Variants in SLC35F3 observed in about 807,000 individuals in gnomAD.
SLC35F3 encodes the protein solute carrier family 35 member F3.
SLC35F3 carries 25 observed loss-of-function variants against 49.9 expected under a neutral mutation model. The ratio of observed to expected loss-of-function variants is 0.50; its 90% CI spans 0.37 to 0.70. The LOEUF is 0.70. Ranked by LOEUF, SLC35F3 falls within the 30% of genes least tolerant of loss-of-function variation. The pLI, the probability that SLC35F3 is intolerant of heterozygous loss-of-function variation, is 0.00. For missense variants in SLC35F3, 525 were observed against 639.8 expected (o/e 0.82, Z 1.94); for synonymous variants, 275 against 265.4 (o/e 1.04, Z -0.35).
chr1:234,068,598 AAGTAGGAACAAAGTAC>A (rs1664655100), intron 2 of SLC35F3, among the ~76,000 whole-genome samples: 2 of 151,824 alleles, frequency 1.3e-5, no homozygotes, highest in Admixed American at 6.6e-5. Context: ...ACTATAATAG[AAGTAGGAACAAAGTAC>A]AGTAGGAGCA....
chr1:234,201,261 C>G (rs957078302), intron 2 of SLC35F3, among the ~76,000 whole-genome samples: 1 of 152,174 alleles, frequency 6.6e-6, no homozygotes, highest in African/African-American at 2.4e-5. Context: ...TTGGGTTTAC[C>G]TATATCATTT....
rs189686829 is a variant in SLC35F3 at position 234,286,706 on chromosome 1, A to G, written c.609-22395A>G. 5.3e-4 allele frequency among the ~76,000 whole-genome samples: 81 copies of G among 152,368 alleles called. 1 individual carries two copies. Among genetic ancestry groups the G allele is most frequent in the African/African-American group, 1.8e-3 (76 of 41,594 alleles). ...AACATTTGATTGTCTCTCTAAACAG[A>G]AAACGTATTAGATGGGTTTTAAGAA... On this transcript the variant is annotated intron_variant, in intron 3 of 7. Coordinates refer to ENST00000366618, the MANE Select transcript of SLC35F3 (RefSeq NM_173508.4).
At chr1:233,978,929 G>A (rs1021181652) in intron 2 of SLC35F3, among the ~76,000 whole-genome samples, 4 of 151,726 alleles carry the variant, frequency 2.6e-5, no homozygotes, top group Admixed American at 2.0e-4. Context: ...CCAGCTACTC[G>A]GGAGGCTGAG....
chr1:234,108,627 T>TATTTATATATAAAAGATAC (rs1558231661), intron 2 of SLC35F3, among the ~76,000 whole-genome samples: 1 of 112,482 alleles, frequency 8.9e-6, no homozygotes, highest in South Asian at 2.6e-4. Context: ...ATAAAAGATA[T>TATTTATATATAAAAGATAC]ATATATTTAT....
At chr1:234,185,680 G>A (rs1270596837) in intron 2 of SLC35F3, among the ~76,000 whole-genome samples, 1 of 152,124 alleles carries the variant, frequency 6.6e-6, no homozygotes, top group Non-Finnish European at 1.5e-5. Context: ...TGATGGCAGG[G>A]ACTTGGAAGG....
intron 2 of SLC35F3, among the ~76,000 whole-genome samples, chr1:233,946,715 A>G (rs1046313878): frequency 5.9e-5 from 9 of 152,244 alleles, no homozygotes; most frequent in African/African-American, 1.7e-4. Flanking sequence ...GTGTTGGACA[A>G]TGGTAACCAC....
chr1:234,117,453 A>G lies in SLC35F3; in HGVS notation c.284-113964A>G, dbSNP rs182975562. Among the ~76,000 whole-genome samples the G allele has an allele frequency of 1.7e-3, 262 of 152,128 alleles. 1 individual carries two copies. Among genetic ancestry groups the G allele is most frequent in the African/African-American group, 6.0e-3 (247 of 41,506 alleles). On this transcript the variant is annotated intron_variant, in intron 2 of 7. Coordinates refer to ENST00000366618, the MANE Select transcript of SLC35F3 (RefSeq NM_173508.4). ...CTAAAAATACAAAAATTAGCTGGGT[A>G]TGGTGGCACACCCTTGTAATCCCAG...
intron 2 of SLC35F3, among the ~76,000 whole-genome samples, chr1:234,227,459 C>T (rs184810187): frequency 2.8e-4 from 39 of 137,980 alleles, no homozygotes; most frequent in Non-Finnish European, 4.4e-4. Context: ...AGTCCAGTGG[C>T]GCAATCTCGG....
At chr1:233,923,375 T>C (rs75348193) in intron 2 of SLC35F3, among the ~76,000 whole-genome samples, 68,347 of 151,964 alleles carry the variant, frequency 0.45, 16,486 homozygotes, top group Middle Eastern at 0.55. Context: ...TCCCTGTAAG[T>C]TGTATTCCTA....
Position 234,318,882 on chromosome 1 carries a change from C to T in SLC35F3, c.1086C>T (p.Tyr362=). ...PIILYFTKVE[Y]WSSFDDIPWG... is the part of the protein sequence containing the mutation. ...TCCTCTACTTTACCAAAGTGGAATA[C>T]TGGAGCTCTTTTGATGACATTCCAT... Residue 362 remains tyrosine (Y), a synonymous_variant, in exon 6 of 8, where the codon TAC becomes TAT. Transcript: ENST00000366618. 4 of 1,614,184 alleles carry T rather than the reference C, an allele frequency of 2.5e-6. No individual in the cohort carries two copies. Among genetic ancestry groups the T allele is most frequent in the Non-Finnish European group, 3.4e-6 (4 of 1,180,030 alleles).
At chr1:234,116,568 A>T (rs61822410) in intron 2 of SLC35F3, among the ~76,000 whole-genome samples, 3 of 149,898 alleles carry the variant, frequency 2.0e-5, no homozygotes, top group Non-Finnish European at 4.4e-5. Context: ...CTGGAGTGCA[A>T]TGGCGCAATC....
intron 3 of SLC35F3, among the ~76,000 whole-genome samples, chr1:234,250,593 G>A (rs987966768): frequency 6.8e-6 from 1 of 147,484 alleles, no homozygotes; most frequent in Admixed American, 6.8e-5. Context: ...GGCGGAGCTT[G>A]CAGTGAGCCG....
chr1:234,144,721 G>A (rs1030542386), intron 2 of SLC35F3, among the ~76,000 whole-genome samples: 12 of 152,190 alleles, frequency 7.9e-5, no homozygotes, highest in Non-Finnish European at 1.6e-4. Flanking sequence ...GGGATACAGA[G>A]ATGAATAAAT....
At chr1:233,908,547 T>C (rs1022275371) in intron 2 of SLC35F3, among the ~76,000 whole-genome samples, 1 of 146,964 alleles carries the variant, frequency 6.8e-6, no homozygotes, top group Admixed American at 6.8e-5. Flanking sequence ...TTTTTTTTTT[T>C]TTTTTTTTTT....
intron 2 of SLC35F3, among the ~76,000 whole-genome samples, chr1:233,968,712 T>G (rs1336765556): frequency 1.3e-5 from 2 of 152,146 alleles, no homozygotes; most frequent in South Asian, 2.1e-4. Context: ...CTTGAACTCC[T>G]TACCTCAAGT....
At chr1:234,001,441 G>T (rs1284196308) in intron 2 of SLC35F3, among the ~76,000 whole-genome samples, 2 of 152,108 alleles carry the variant, frequency 1.3e-5, no homozygotes, top group African/African-American at 4.8e-5. Context: ...TGAATGAATG[G>T]CTATTGTCAT....
intron 2 of SLC35F3, among the ~76,000 whole-genome samples, chr1:234,113,395 T>C (rs553704476): frequency 1.3e-5 from 2 of 152,340 alleles, no homozygotes; most frequent in South Asian, 4.1e-4. Flanking sequence ...TAATACTTAT[T>C]TTCTCTTGAT....
intron 3 of SLC35F3, among the ~76,000 whole-genome samples, chr1:234,297,533 CA>C (rs1269319940): frequency 6.6e-6 from 1 of 152,182 alleles, no homozygotes; most frequent in Non-Finnish European, 1.5e-5. Context: ...ATAAGCCAGA[CA>C]CAAAGGGACA....
At chr1:233,960,619 C>T (rs975077741) in intron 2 of SLC35F3, among the ~76,000 whole-genome samples, 1 of 152,156 alleles carries the variant, frequency 6.6e-6, no homozygotes, top group African/African-American at 2.4e-5. Flanking sequence ...ATTAGCATAA[C>T]TTTTTAAGTT....
Sources: allele counts gnomAD v4.1 joint callset (sites outside exome capture counted in the v4.1 genomes callset), GRCh38; gene constraint gnomAD v4.1.1; transcripts MANE v1.5; gene names NCBI Gene and HGNC (gene_info 2026-07-23, HGNC 2026-07-21).